Variants in ALG9 observed in about 807,000 individuals in gnomAD.
ALG9 encodes ALG9 alpha-1,2-mannosyltransferase.
Under a neutral mutation model 81.8 loss-of-function variants are expected in ALG9, and 55 were observed. The ratio of observed to expected loss-of-function variants is 0.67; its 90% confidence interval spans 0.54 to 0.84. The LOEUF (loss-of-function observed/expected upper bound fraction) is 0.84, where lower values mean the gene tolerates loss of function less well. ALG9 is among the 40% of genes least tolerant of loss of function. ALG9 has a pLI of 0.00. For synonymous variants in ALG9, 278 were observed against 274.3 expected, an observed-to-expected ratio of 1.01 and a Z score of -0.13; for missense variants, 629 against 745.0, an observed-to-expected ratio of 0.84 and a Z score of 1.81.
chr11:111,794,147 C>A (rs949550613), intron 14 of ALG9, among the ~76,000 whole-genome samples: 1 of 152,198 alleles, frequency 6.6e-6, no homozygotes, highest in Admixed American at 6.5e-5. Flanking sequence ...GAGCATTCGG[C>A]GGTGGAGATT....
chr11:111,778,464 A>G (rs962052324), downstream of ALG9: 1 of 152,236 alleles, frequency 6.6e-6, no homozygotes, highest in Non-Finnish European at 1.5e-5. Context: ...GTTTCCCAGA[A>G]AGCAGGGCCC....
chr11:111,850,464 G>A (rs1316340605), intron 8 of ALG9, among the ~76,000 whole-genome samples: 1 of 152,048 alleles, frequency 6.6e-6, no homozygotes, highest in Non-Finnish European at 1.5e-5. Context: ...CCAGCACTTT[G>A]GGAAGCTGAG....
intron 14 of ALG9, among the ~76,000 whole-genome samples, chr11:111,790,151 G>T (rs1947172896): frequency 6.6e-6 from 1 of 152,128 alleles, no homozygotes; most frequent in African/African-American, 2.4e-5. Flanking sequence ...GGCCAACATG[G>T]TGAAACCCTG....
chr11:111,843,919 G>A (rs1343617435), intron 9 of ALG9, among the ~76,000 whole-genome samples: 1 of 152,206 alleles, frequency 6.6e-6, no homozygotes, highest in Admixed American at 6.5e-5. Flanking sequence ...TTCGTTTGAA[G>A]TACTATCTCG....
chr11:111,826,247 A>G (rs1207043249), intron 13 of ALG9, among the ~76,000 whole-genome samples: 2 of 151,508 alleles, frequency 1.3e-5, no homozygotes, highest in African/African-American at 4.8e-5. Flanking sequence ...TTAGCTGGGT[A>G]TGGTGGTGCA....
intron 14 of ALG9, among the ~76,000 whole-genome samples, chr11:111,808,045 C>T (rs892781321): frequency 4.6e-5 from 7 of 152,154 alleles, no homozygotes; most frequent in South Asian, 2.1e-4. Flanking sequence ...ATTCCAGCGT[C>T]GTGACAGAGT....
chr11:111,838,634 A>G (rs957197893), intron 10 of ALG9, among the ~76,000 whole-genome samples: 3 of 152,174 alleles, frequency 2.0e-5, no homozygotes, highest in Non-Finnish European at 4.4e-5. Flanking sequence ...AATTATTTGA[A>G]TATTTTGCTA....
intron 14 of ALG9, among the ~76,000 whole-genome samples, chr11:111,789,547 TA>T (rs1286661620): frequency 6.6e-6 from 1 of 150,866 alleles, no homozygotes; most frequent in Admixed American, 6.6e-5. Flanking sequence ...GCCTATAAAA[TA>T]ACTTAAAAAT....
At chr11:111,778,837 A>G (rs1249883802), downstream of ALG9, among the ~76,000 whole-genome samples, 2 of 148,222 alleles carry the variant, frequency 1.3e-5, no homozygotes, top group African/African-American at 5.0e-5. Context: ...TTTTTGAGAC[A>G]GAGTTTCGCT....
In ALG9 at chr11:111,786,003, T is replaced by C. The variant is rs1368584031; in HGVS notation, c.*394A>G. 9 of 456,972 alleles carry C rather than the reference T, an allele frequency of 2.0e-5. No homozygotes were observed. The East Asian group carries it at 6.2e-4, about 32-fold the overall frequency. 28.3% of individuals were successfully genotyped at this position (456,972 alleles called of 1,614,324 possible). On this transcript the variant is annotated 3_prime_UTR_variant, in exon 15 of 15. Transcript: ENST00000616540. Reference sequence around the variant, plus strand: ...TAAGAGAGGCTTGCTAGTTCTCAGATGCCAGGCCAGAGTGTGGAGAACAGC... The same window carrying C: ...TAAGAGAGGCTTGCTAGTTCTCAGACGCCAGGCCAGAGTGTGGAGAACAGC...
intron 8 of ALG9, among the ~76,000 whole-genome samples, chr11:111,850,046 A>G (rs1957521329): frequency 1.3e-5 from 2 of 152,224 alleles, no homozygotes; most frequent in African/African-American, 2.4e-5. Context: ...GCCTCAAAAC[A>G]TCTAGTAAAA....
chr11:111,862,788 T>C (rs1397455713), intron 4 of ALG9, among the ~76,000 whole-genome samples: 1 of 151,690 alleles, frequency 6.6e-6, no homozygotes, highest in East Asian at 1.9e-4. Flanking sequence ...TCTTGTTTCT[T>C]GTTCATGTTT....
intron 5 of ALG9, 112 bp from the exon 6 acceptor site, chr11:111,857,849 G>C: frequency 8.2e-7 from 1 of 1,214,272 alleles, no homozygotes; most frequent in Admixed American, 1.9e-5. Context: ...TCAATAAACA[G>C]GTACATAATT....
intron 8 of ALG9, among the ~76,000 whole-genome samples, chr11:111,852,927 A>C (rs1389996680): frequency 7.2e-6 from 1 of 139,218 alleles, no homozygotes; most frequent in Non-Finnish European, 1.5e-5. Context: ...GGGCAACAAG[A>C]GTCTAACTCC....
In ALG9 at chr11:111,871,399, C is replaced by T. The variant is rs1555158865; in HGVS notation, c.84G>A (p.Arg28=). ...CCGCCTCTCGGCTGCCCAGCAGCTC[C>T]CGCAGCTTGTCCGCAGCCGGGGCCG... The part of the protein sequence containing the change: ...GDTAPAADKL[R]ELLGSREAGG... The change falls in exon 1 of 15, where the codon CGG becomes CGA. Residue 28 remains arginine (R), a synonymous_variant. Coordinates refer to ENST00000616540, the MANE Select transcript of ALG9 (RefSeq NM_024740.2). 2.0e-6 allele frequency: 3 copies of T among 1,534,932 alleles called. No homozygotes were observed. The highest frequency in any genetic ancestry group is 2.0e-5 in the Admixed American group (1 of 50,942).
At chr11:111,868,764 G>A (rs782345110) in intron 2 of ALG9, 28 bp from the exon 3 acceptor site, 1 of 1,548,880 alleles carries the variant, frequency 6.5e-7, no homozygotes, top group Non-Finnish European at 8.7e-7. Context: ...ATAGATTCAG[G>A]GTTATACTGG....
rs375111883 is a variant in ALG9 at position 111,859,312 on chromosome 11, A to C, written c.565+1235T>G. 4.9e-4 allele frequency among the ~76,000 whole-genome samples: 74 copies of C among 151,488 alleles called. 1 individual carries two copies. The South Asian group carries it at 0.014, about 29-fold the overall frequency. On this transcript the variant is annotated intron_variant, in intron 5 of 14. Transcript: ENST00000616540. ...TGGTCAGGAGTTTGAGAACAGCCTG[A>C]CCAACATGGTGAAACCCCATCTCTA...
chr11:111,868,848 C>T lies in ALG9; in HGVS notation c.271-112G>A, dbSNP rs185506064. 5.8e-5 allele frequency: 65 copies of T among 1,124,946 alleles called. No individual in the cohort carries two copies. In the East Asian group the frequency reaches 1.6e-3, roughly 27 times the overall value. The allele number at this position is 1,124,946 out of a possible 1,614,324, so 69.7% of individuals were successfully genotyped here. A position where few individuals can be genotyped will look rare whatever the true frequency, so the allele number is the denominator to read the frequency against. ...ATTAAAAACAAAGGCAAGCCAGGCA[C>T]GATGCCTCACACCTATAATCCCAGC... is the stretch of plus-strand genomic sequence containing the variant. On this transcript the variant is annotated intron_variant, in intron 2 of 14. Transcript: ENST00000616540.
chr11:111,803,876 T>TA (rs781924211), intron 14 of ALG9, among the ~76,000 whole-genome samples: 1 of 152,092 alleles, frequency 6.6e-6, no homozygotes, highest in African/African-American at 2.4e-5. Flanking sequence ...CTCAAGCCTG[T>TA]AATCTCAGCA....
Sources: gnomAD v4.1 joint callset for allele counts (sites outside exome capture counted in the v4.1 genomes callset) on GRCh38, gnomAD v4.1.1 for gene constraint, MANE v1.5 for transcripts, NCBI Gene and HGNC (gene_info 2026-07-23, HGNC 2026-07-21) for gene names.